VPS13C: variants seen among roughly 807,000 people sequenced by gnomAD.
VPS13C encodes intermembrane lipid transfer protein VPS13C.
In VPS13C, 358 loss-of-function variants were observed where a neutral mutation model predicts 456.8. The observed-to-expected ratio is 0.78, with a 90% confidence interval of 0.72 to 0.86. The LOEUF (loss-of-function observed/expected upper bound fraction) is 0.86. Among genes scored for constraint, VPS13C ranks in the 40% least tolerant of loss-of-function variants. The pLI, the probability that VPS13C is intolerant of heterozygous loss-of-function variation, is 0.00. For synonymous variants in VPS13C, 1,578 were observed against 1,486.7 expected, an observed-to-expected ratio of 1.06 and a Z score of -1.41; for missense variants, 4,818 against 4,385.4, an observed-to-expected ratio of 1.10 and a Z score of -2.79.
At chr15:62,007,797 A>C (rs2046903256) in intron 14 of VPS13C, among the ~76,000 whole-genome samples, 1 of 152,164 alleles carries the variant, frequency 6.6e-6, no homozygotes, top group African/African-American at 2.4e-5. Context: ...AAAATGTTGA[A>C]TGTCTTGAAT....
intron 1 of VPS13C, among the ~76,000 whole-genome samples, chr15:62,048,553 G>A (rs972920815): frequency 1.1e-3 from 167 of 152,136 alleles, no homozygotes; most frequent in African/African-American, 3.1e-3. Context: ...GAATAGTGCC[G>A]CAATAAACAT....
chr15:61,949,393 T>C (rs747866740), intron 42 of VPS13C, 50 bp downstream of exon 42: 31 of 1,580,200 alleles, frequency 2.0e-5, no homozygotes, highest in Non-Finnish European at 1.5e-5. Flanking sequence ...AGTTGTTATA[T>C]GATTATTAAA....
rs2043694029 is a variant in VPS13C, at chr15:61,922,540, C to T, written c.6832G>A (p.Val2278Ile). Residue 2278 changes from valine (V) to isoleucine (I), a missense_variant, in exon 54 of 85, where the codon GTT becomes ATT. Coordinates refer to ENST00000644861, the MANE Select transcript of VPS13C (RefSeq NM_020821.3). ...EHSLIEENCG[V>I]VVESIQVTLE... Reference sequence around the variant, plus strand: ...GTAACTTGAATGGATTCTACAACAACACCACAATTTTCCTCTATCAGTGAA... The same window carrying T: ...GTAACTTGAATGGATTCTACAACAATACCACAATTTTCCTCTATCAGTGAA... 1 of 1,614,070 alleles carries T rather than the reference C, an allele frequency of 6.2e-7. No individual in the cohort carries two copies. The highest frequency in any genetic ancestry group is 8.5e-7 in the Non-Finnish European group (1 of 1,179,972).
At chr15:62,026,293 G>A (rs920233255) in intron 6 of VPS13C, among the ~76,000 whole-genome samples, 4 of 151,766 alleles carry the variant, frequency 2.6e-5, no homozygotes, top group East Asian at 1.9e-4. Flanking sequence ...CTTTACACAT[G>A]TATGATTTTT....
At chr15:62,046,206 TCTA>T (rs928997990) in intron 1 of VPS13C, among the ~76,000 whole-genome samples, 1 of 152,070 alleles carries the variant, frequency 6.6e-6, no homozygotes, top group Non-Finnish European at 1.5e-5. Context: ...TCAGGAAACT[TCTA>T]CAACACACTG....
intron 9 of VPS13C, among the ~76,000 whole-genome samples, chr15:62,020,097 C>T (rs1377075027): frequency 6.8e-6 from 1 of 147,682 alleles, no homozygotes; most frequent in Non-Finnish European, 1.5e-5. Context: ...TGAGTGTGCG[C>T]ACACACACAC....
intron 39 of VPS13C, 121 bp from the exon 40 acceptor site, chr15:61,951,145 A>C: frequency 1.7e-6 from 1 of 583,564 alleles, no homozygotes; most frequent in South Asian, 3.0e-5. Context: ...CACTAAAAAG[A>C]GTGAAGTATG....
chr15:62,001,978 T>C (rs1460739999), intron 15 of VPS13C, among the ~76,000 whole-genome samples: 4 of 152,204 alleles, frequency 2.6e-5, no homozygotes, highest in South Asian at 2.1e-4. Context: ...GCAATAAACA[T>C]ATGTGTGCAT....
chr15:61,853,205 A>G lies in VPS13C; in HGVS notation c.*1252T>C, dbSNP rs911557076. On this transcript the variant is annotated 3_prime_UTR_variant, in exon 85 of 85. Transcript: ENST00000644861. ...ATATGCCTTATTTATATATAAAACA[A>G]CCAAAGAATTTTCATTCTTCTTAGT... 2.0e-5 allele frequency: 3 copies of G among 152,220 alleles called. No homozygotes were observed. Among genetic ancestry groups the G allele is most frequent in the Admixed American group, 2.0e-4 (3 of 15,282 alleles). The allele number at this position is 152,220 out of a possible 1,614,324, so 9.4% of individuals were successfully genotyped here.
In VPS13C at chr15:61,855,058, T is replaced by A. The variant is rs1893831890; in HGVS notation, c.11077-104A>T. On this transcript the variant is annotated intron_variant, in intron 83 of 84. Transcript: ENST00000644861. ...AATGTCAACTCTATCTTATAACAAG[T>A]AGGCTAACCAAATACACATATTCAA... 6.8e-6 allele frequency: 6 copies of A among 878,408 alleles called. No individual in the cohort carries two copies. The South Asian group carries it at 7.5e-5, about 11-fold the overall frequency. 54.4% of individuals were successfully genotyped at this position (878,408 alleles called of 1,614,324 possible).
At chr15:61,912,260 G>A (rs572949491) in intron 62 of VPS13C, among the ~76,000 whole-genome samples, 5 of 152,174 alleles carry the variant, frequency 3.3e-5, no homozygotes, top group South Asian at 2.1e-4. Flanking sequence ...GATTTAATAC[G>A]TCTAGCATTC....
At chr15:61,923,853 C>T (rs982153550) in intron 53 of VPS13C, among the ~76,000 whole-genome samples, 2 of 128,526 alleles carry the variant, frequency 1.6e-5, no homozygotes, top group Non-Finnish European at 3.3e-5. Context: ...GTGACCACCC[C>T]TCTAAATCTT....
intron 6 of VPS13C, among the ~76,000 whole-genome samples, chr15:62,024,219 G>T (rs959753435): frequency 6.6e-6 from 1 of 151,940 alleles, no homozygotes. Flanking sequence ...AAAACTTTCA[G>T]AAGAAGGTTT....
rs79855776 is a variant in VPS13C, at chr15:61,910,078, T to C, written c.8844+99A>G. 0.036 allele frequency: 24,431 copies of C among 681,252 alleles called. 1,046 individuals carry two copies. The highest frequency in any genetic ancestry group is 0.21 in the East Asian group (2,257 of 10,668). 42.2% of individuals were successfully genotyped at this position (681,252 alleles called of 1,614,324 possible). A position where few individuals can be genotyped will look rare whatever the true frequency, so the allele number is the denominator to read the frequency against. ...CCAACATGGCACATGTATACATATG[T>C]AACAAACCTGCACGTTCTGCACATG... On this transcript the variant is annotated intron_variant, in intron 64 of 84. Transcript: ENST00000644861.
rs768277451 is a variant in VPS13C, at chr15:61,983,891, T to A, written c.1843A>T (p.Asn615Tyr). ...SSLLKIKFET[N>Y]PEDSPADQTL... ...TGGTCAGCAGGACTATCCTCCGGAT[T>A]GGTTTCAAATTTAATTTTAAGCAAG... Residue 615 changes from asparagine (N) to tyrosine (Y), a missense_variant, in exon 20 of 85, where the codon AAT becomes TAT. Physicochemically the swap from Asn to Tyr is moderately radical, Grantham distance 143. This residue lies in a region of VPS13C where 4,552 missense variants were observed against 4,130.6 expected (regional missense o/e 1.10). Transcript: ENST00000644861. 6.2e-7 allele frequency: 1 copy of A among 1,614,150 alleles called. No homozygotes were observed. The highest frequency in any genetic ancestry group is 1.1e-5 in the South Asian group (1 of 91,084).
chr15:61,991,776 C>G lies in VPS13C; in HGVS notation c.1380G>C (p.Arg460Ser). 6.2e-7 allele frequency: 1 copy of G among 1,613,022 alleles called. No individual in the cohort carries two copies. The highest frequency in any genetic ancestry group is 8.5e-7 in the Non-Finnish European group (1 of 1,179,542). ...TCTCGCCTGTGTCAGCAGACTTTTT[C>G]CTTAATTTTTGCCCAGACCGAATCA... ...VEVIRSGQKL[R>S]KKSADTGEKR... The change falls in exon 17 of 85, where the codon AGG (arginine) becomes AGC (serine). Residue 460 changes from arginine (R) to serine (S), a missense_variant. This residue lies in a region of VPS13C where 4,552 missense variants were observed against 4,130.6 expected (regional missense o/e 1.10). Transcript: ENST00000644861.
At chr15:61,895,071 T>G (rs2042766336) in intron 66 of VPS13C, among the ~76,000 whole-genome samples, 2 of 152,136 alleles carry the variant, frequency 1.3e-5, no homozygotes, top group African/African-American at 4.8e-5. Flanking sequence ...AACAGGAATT[T>G]GTAAAGTATA....
chr15:61,954,397 C>CA (rs1395477524), intron 38 of VPS13C, 24 bp downstream of exon 38: 1 of 1,599,090 alleles, frequency 6.3e-7, no homozygotes, highest in South Asian at 1.2e-5. Flanking sequence ...CCTCACTTTA[C>CA]AAAAACAGAT....
chr15:61,932,218 G>A (rs2140227683), intron 49 of VPS13C, among the ~76,000 whole-genome samples: 1 of 152,278 alleles, frequency 6.6e-6, no homozygotes, highest in South Asian at 2.1e-4. Flanking sequence ...TAAAGAAGGT[G>A]AGAACTTAAC....
Sources: gnomAD v4.1 joint callset for allele counts (sites outside exome capture counted in the v4.1 genomes callset) on GRCh38, gnomAD v4.1.1 for gene constraint, gnomAD v4.1.1 regional missense constraint, MANE v1.5 for transcripts, NCBI Gene and HGNC (gene_info 2026-07-23, HGNC 2026-07-21) for gene names.